Variants in IPCEF1 observed in about 807,000 individuals in gnomAD.
The protein encoded by IPCEF1 is interaction protein for cytohesin exchange factors 1, also known as interactor protein for cytohesin exchange factors 1.
Under a neutral mutation model 50.9 loss-of-function variants are expected in IPCEF1, and 31 were observed. That is an observed-to-expected ratio of 0.61 (90% CI 0.46 to 0.82). IPCEF1 has a LOEUF of 0.82. IPCEF1 is among the 40% of genes least tolerant of loss of function. IPCEF1 has a pLI of 0.00. For missense variants in IPCEF1, 458 were observed against 514.0 expected, an observed-to-expected ratio of 0.89 and a Z score of 1.05; for synonymous variants, 181 against 192.0, an observed-to-expected ratio of 0.94 and a Z score of 0.47.
chr6:154,241,189 T>G (rs944762442), intron 5 of IPCEF1, among the ~76,000 whole-genome samples: 32 of 138,736 alleles, frequency 2.3e-4, no homozygotes, highest in African/African-American at 6.4e-4. Flanking sequence ...TGAGCCGAGA[T>G]CGCGCCACTG....
intron 1 of IPCEF1, among the ~76,000 whole-genome samples, chr6:154,317,782 G>A (rs1583983077): frequency 6.6e-6 from 1 of 151,828 alleles, no homozygotes; most frequent in East Asian, 1.9e-4. Context: ...TTTTTTAAAT[G>A]TTTGGTGCTT....
intron 1 of IPCEF1, among the ~76,000 whole-genome samples, chr6:154,353,530 G>T (rs895065747): frequency 3.3e-5 from 5 of 152,090 alleles, no homozygotes; most frequent in African/African-American, 9.7e-5. Context: ...CAGGTGATCC[G>T]CCCGCCTTGG....
chr6:154,274,298 T>C (rs927139985), intron 2 of IPCEF1, among the ~76,000 whole-genome samples: 3 of 152,140 alleles, frequency 2.0e-5, no homozygotes, highest in Non-Finnish European at 4.4e-5. Context: ...TACTTTATTT[T>C]TGACACCATA....
At chr6:154,197,725 T>C (rs1388627642) in intron 10 of IPCEF1, among the ~76,000 whole-genome samples, 2 of 152,188 alleles carry the variant, frequency 1.3e-5, no homozygotes, top group Admixed American at 1.3e-4. Context: ...CTGGCTATGG[T>C]CCTAAAAGAA....
rs1419353389 is a variant in IPCEF1 at position 154,155,949 on chromosome 6, TATC to T, written c.*3876_*3878del. The T allele has an allele frequency of 6.6e-6, 1 of 152,218 alleles. No homozygotes were observed. Among genetic ancestry groups the T allele is most frequent in the Non-Finnish European group, 1.5e-5 (1 of 68,038 alleles). 9.4% of individuals were successfully genotyped at this position (152,218 alleles called of 1,614,324 possible). ...TGACTGGAGTGCTACCTGAGTAAAT[TATC>T]ATGATTACATGAAAAGCAATTAAGA... is the stretch of plus-strand genomic sequence containing the variant. On this transcript the variant is annotated 3_prime_UTR_variant, in exon 12 of 12. Transcript: ENST00000367220.
chr6:154,178,142 G>T (rs1047533757), intron 10 of IPCEF1, among the ~76,000 whole-genome samples: 1 of 151,820 alleles, frequency 6.6e-6, no homozygotes, highest in African/African-American at 2.4e-5. Flanking sequence ...CCTGTTGGTG[G>T]GTGGGGGGCT....
At chr6:154,293,874 G>T (rs1782572811) in intron 1 of IPCEF1, among the ~76,000 whole-genome samples, 1 of 152,220 alleles carries the variant, frequency 6.6e-6, no homozygotes, top group Admixed American at 6.5e-5. Flanking sequence ...GGAGCAGCAA[G>T]AAATGTTTCA....
chr6:154,344,705 G>A (rs549586762), intron 1 of IPCEF1, among the ~76,000 whole-genome samples: 8 of 152,242 alleles, frequency 5.3e-5, no homozygotes, highest in African/African-American at 1.9e-4. Flanking sequence ...GACTTTCATG[G>A]TCATCCCTCT....
intron 1 of IPCEF1, among the ~76,000 whole-genome samples, chr6:154,355,705 T>A (rs1784205500): frequency 6.6e-6 from 1 of 152,080 alleles, no homozygotes; most frequent in Non-Finnish European, 1.5e-5. Context: ...GCCAGGCTGG[T>A]CTCGAACTCC....
intron 11 of IPCEF1, among the ~76,000 whole-genome samples, chr6:154,167,390 C>T (rs1248835639): frequency 6.6e-6 from 1 of 152,328 alleles, no homozygotes; most frequent in South Asian, 2.1e-4. Flanking sequence ...TTCCCACTGT[C>T]GGGCTCTCAT....
At chr6:154,222,984 G>T in intron 6 of IPCEF1, 186 bp downstream of exon 6, 1 of 605,600 alleles carries the variant, frequency 1.7e-6, no homozygotes, top group East Asian at 2.8e-5. Flanking sequence ...TCCACAAAAC[G>T]AAATTCCAGA....
rs906446076 is a variant in IPCEF1 at position 154,221,277 on chromosome 6, C to G, written c.372G>C (p.Glu124Asp). ...CTTACACGTTCATTTCCTGCACATT[C>G]TCAGCTGCAAAATAAAAGGTCTTGA... ...PQIKTFYFAA[E>D]NVQEMNVWLN... Residue 124 changes from glutamate (E) to aspartate (D), a missense_variant, in exon 7 of 12, where the codon GAG becomes GAC. Physicochemically the swap from Glu to Asp is conservative, Grantham distance 45 (BLOSUM62 2). Transcript: ENST00000367220. The G allele has an allele frequency of 2.5e-6, 4 of 1,613,806 alleles. No individual in the cohort carries two copies. The African/African-American group carries it at 4.0e-5, about 16-fold the overall frequency.
chr6:154,234,312 C>CT (rs1317210703), intron 5 of IPCEF1, among the ~76,000 whole-genome samples: 1 of 152,194 alleles, frequency 6.6e-6, no homozygotes, highest in Admixed American at 6.5e-5. Context: ...AAGGATGAAG[C>CT]TTTGGTTACC....
chr6:154,289,832 A>G (rs1192317829), intron 1 of IPCEF1, 76 bp from the exon 2 acceptor site: 1 of 152,004 alleles, frequency 6.6e-6, no homozygotes, highest in African/African-American at 2.4e-5. Flanking sequence ...CCTGGACTCA[A>G]TCACCTGGGT....
intron 2 of IPCEF1, among the ~76,000 whole-genome samples, chr6:154,271,546 C>T (rs1025710406): frequency 1.3e-5 from 2 of 152,014 alleles, no homozygotes; most frequent in African/African-American, 4.8e-5. Flanking sequence ...GAAGTATAAC[C>T]TTTTTTACCA....
intron 5 of IPCEF1, among the ~76,000 whole-genome samples, chr6:154,239,845 A>G (rs1780438117): frequency 6.6e-6 from 1 of 152,174 alleles, no homozygotes; most frequent in Admixed American, 6.5e-5. Flanking sequence ...GTGGGACTAC[A>G]GGCATATCCA....
At chr6:154,229,451 G>T (rs1010236483) in intron 5 of IPCEF1, among the ~76,000 whole-genome samples, 1 of 146,836 alleles carries the variant, frequency 6.8e-6, no homozygotes, top group South Asian at 2.3e-4. Flanking sequence ...CTGGGTTCAC[G>T]CCATTCTCCC....
At chr6:154,191,308 T>A (rs1455168050) in intron 10 of IPCEF1, among the ~76,000 whole-genome samples, 1 of 152,162 alleles carries the variant, frequency 6.6e-6, no homozygotes, top group Non-Finnish European at 1.5e-5. Flanking sequence ...GTCTGTATGA[T>A]ACTGTATTAG....
rs147578243 is a variant in IPCEF1, at chr6:154,215,752, T to C, written c.393-1476A>G. On this transcript the variant is annotated intron_variant, in intron 7 of 11. Transcript: ENST00000367220. Reference sequence around the variant, plus strand: ...TAGTAGCCACTTAAAATTGGACCAATGAAGAGCCCAGATACGAAACAGGAA... The same window carrying C: ...TAGTAGCCACTTAAAATTGGACCAACGAAGAGCCCAGATACGAAACAGGAA... Among the ~76,000 whole-genome samples the C allele has an allele frequency of 6.9e-3, 1,048 of 152,146 alleles. 11 individuals carry two copies. Among genetic ancestry groups the C allele is most frequent in the Middle Eastern group, 0.024 (7 of 294 alleles).
Sources: gnomAD v4.1 joint callset for allele counts (sites outside exome capture counted in the v4.1 genomes callset) on GRCh38, gnomAD v4.1.1 for gene constraint, MANE v1.5 for transcripts, NCBI Gene and HGNC (gene_info 2026-07-23, HGNC 2026-07-21) for gene names.